Variants in ANKDD1B observed in about 807,000 individuals in gnomAD.
ANKDD1B encodes the protein ankyrin repeat and death domain-containing protein 1B.
Under a neutral mutation model 59.7 loss-of-function variants are expected in ANKDD1B, and 57 were observed. That is an observed-to-expected ratio of 0.95 (90% CI 0.77 to 1.19). The LOEUF (loss-of-function observed/expected upper bound fraction) is 1.19, where lower values mean the gene tolerates loss of function less well. Among genes scored for constraint, ANKDD1B ranks in the 50% most tolerant of loss-of-function variants. The probability of loss-of-function intolerance (pLI) is 0.00; values close to 1 mark genes in which losing one functional copy is unlikely to be tolerated. For synonymous variants in ANKDD1B, 216 were observed against 239.5 expected, an observed-to-expected ratio of 0.90 and a Z score of 0.91; for missense variants, 602 against 641.9, an observed-to-expected ratio of 0.94 and a Z score of 0.67.
intron 7 of ANKDD1B, among the ~76,000 whole-genome samples, chr5:75,648,948 G>A (rs929181966): frequency 6.6e-6 from 1 of 152,174 alleles, no homozygotes; most frequent in East Asian, 1.9e-4. Flanking sequence ...TGGGTAAAGG[G>A]TTGAGTCATT....
chr5:75,633,273 CAT>C (rs566246261), intron 5 of ANKDD1B, among the ~76,000 whole-genome samples: 92 of 152,200 alleles, frequency 6.0e-4, no homozygotes, highest in African/African-American at 2.2e-3. Context: ...TCATTGGTGA[CAT>C]ATGTGGCCCA....
At chr5:75,637,421 G>A (rs1226730173) in intron 7 of ANKDD1B, among the ~76,000 whole-genome samples, 1 of 151,980 alleles carries the variant, frequency 6.6e-6, no homozygotes, top group Non-Finnish European at 1.5e-5. Context: ...ACTCAGGTCA[G>A]TGGGGTCCTC....
intron 1 of ANKDD1B, among the ~76,000 whole-genome samples, chr5:75,615,435 G>A (rs1354352193): frequency 6.6e-6 from 1 of 152,116 alleles, no homozygotes; most frequent in African/African-American, 2.4e-5. Flanking sequence ...GGGTAGGAAC[G>A]AAGAGAAGGA....
At chr5:75,633,743 CA>C (rs1236874395) in intron 5 of ANKDD1B, among the ~76,000 whole-genome samples, 1 of 152,198 alleles carries the variant, frequency 6.6e-6, no homozygotes, top group Non-Finnish European at 1.5e-5. Context: ...GCTTTGTCCT[CA>C]CCAGAATGCA....
chr5:75,652,858 G>T (rs1204640946), intron 7 of ANKDD1B, among the ~76,000 whole-genome samples: 1 of 152,200 alleles, frequency 6.6e-6, no homozygotes, highest in Non-Finnish European at 1.5e-5. Context: ...AGATGGTACA[G>T]CCTACAACAC....
chr5:75,656,325 C>A (rs1171138630), intron 9 of ANKDD1B, among the ~76,000 whole-genome samples, 198 bp downstream of exon 9: 1 of 152,176 alleles, frequency 6.6e-6, no homozygotes, highest in East Asian at 1.9e-4. Context: ...CTCAGCCACA[C>A]AACTGGAGTT....
Position 75,653,131 on chromosome 5 carries a change from G to T in ANKDD1B, c.799-11G>T, listed in dbSNP as rs557447716. ...AGAGTTCCTCCTTGCCCTCTCTATT[G>T]TCTCTTGCAGCTCAATATCAGTAGT... On this transcript the variant is annotated splice_polypyrimidine_tract_variant and intron_variant, in intron 7 of 13. Coordinates refer to ENST00000601380, the MANE Select transcript of ANKDD1B (RefSeq NM_001276713.2). 6.5e-7 allele frequency: 1 copy of T among 1,527,984 alleles called. No homozygotes were observed. The highest frequency in any genetic ancestry group is 2.0e-5 in the Admixed American group (1 of 50,986). The allele number at this position is 1,527,984 out of a possible 1,614,324, so 94.7% of individuals were successfully genotyped here. A position where few individuals can be genotyped will look rare whatever the true frequency, so the allele number is the denominator to read the frequency against.
At chr5:75,652,505 G>C (rs1774859401) in intron 7 of ANKDD1B, among the ~76,000 whole-genome samples, 1 of 152,164 alleles carries the variant, frequency 6.6e-6, no homozygotes, top group Admixed American at 6.5e-5. Context: ...GCAGTGGCAT[G>C]ATCTCGGCTC....
chr5:75,611,869 C>A, intron 1 of ANKDD1B, 42 bp downstream of exon 1: 1 of 1,228,042 alleles, frequency 8.1e-7, no homozygotes, highest in Non-Finnish European at 1.0e-6. Context: ...GGCTGCGGGG[C>A]GGGCTGGGTC....
chr5:75,649,939 C>CTAA (rs1774784822), intron 7 of ANKDD1B, among the ~76,000 whole-genome samples: 1 of 152,182 alleles, frequency 6.6e-6, no homozygotes, highest in Non-Finnish European at 1.5e-5. Flanking sequence ...ACCAACATAT[C>CTAA]CCTCCACTAT....
intron 9 of ANKDD1B, among the ~76,000 whole-genome samples, chr5:75,657,602 T>C (rs558443250): frequency 6.6e-6 from 1 of 152,238 alleles, no homozygotes; most frequent in African/African-American, 2.4e-5. Context: ...CATTTGAAGG[T>C]GAGTCTTTAA....
At chr5:75,617,043 C>T (rs1328919286) in intron 2 of ANKDD1B, 136 bp downstream of exon 2, 13 of 500,808 alleles carry the variant, frequency 2.6e-5, no homozygotes, top group Non-Finnish European at 3.5e-5. Flanking sequence ...TTGGTAATCC[C>T]GGGGTGTTTA....
intron 1 of ANKDD1B, among the ~76,000 whole-genome samples, chr5:75,613,468 G>T (rs1295532669): frequency 1.3e-5 from 2 of 152,062 alleles, no homozygotes; most frequent in East Asian, 3.9e-4. Context: ...CTAGGTACAG[G>T]GATGCTTCAT....
intron 8 of ANKDD1B, among the ~76,000 whole-genome samples, chr5:75,654,465 A>G (rs1039128485): frequency 2.6e-5 from 4 of 152,200 alleles, no homozygotes; most frequent in Admixed American, 6.5e-5. Context: ...TGTTTAAAAC[A>G]GAGTATAAAC....
At position 75,620,365 on chromosome 5, in the gene ANKDD1B, A is replaced by T. The variant is rs1235000339; in HGVS notation, c.348A>T (p.Ala116=). Residue 116 remains alanine, a synonymous_variant, in exon 3 of 14, where the codon GCA becomes GCT. Transcript: ENST00000601380. The stretch of plus-strand genomic sequence containing the variant: ...CAGTGGGGAGAAATCATTTATCTGC[A>T]GTGGATTTCTTGCTTAAACACAAGG... ...HFAVGRNHLS[A]VDFLLKHKAR... 6.5e-7 allele frequency: 1 copy of T among 1,535,608 alleles called. No homozygotes were observed. Among genetic ancestry groups the T allele is most frequent in the East Asian group, 2.4e-5 (1 of 40,908 alleles).
chr5:75,656,755 G>T (rs1300659807), intron 9 of ANKDD1B, among the ~76,000 whole-genome samples: 1 of 152,084 alleles, frequency 6.6e-6, no homozygotes, highest in Non-Finnish European at 1.5e-5. Flanking sequence ...ATATGTAGGG[G>T]AGTGGGAAGA....
In ANKDD1B at chr5:75,653,030, G is replaced by A. The variant is rs1774869874; in HGVS notation, c.799-112G>A. ...ACCAAATCACTGTTAAGTGATGCAC[G>A]ACTGTAGTTGTACTATTTCATTGTA... On this transcript the variant is annotated intron_variant, in intron 7 of 13. Transcript: ENST00000601380. 3 of 743,142 alleles carry A rather than the reference G, an allele frequency of 4.0e-6. No homozygotes were observed. The South Asian group carries it at 4.7e-5, about 12-fold the overall frequency. 46.0% of individuals were successfully genotyped at this position (743,142 alleles called of 1,614,324 possible). A position where few individuals can be genotyped will look rare whatever the true frequency, so the allele number is the denominator to read the frequency against.
chr5:75,619,245 C>A (rs570858147), intron 2 of ANKDD1B, among the ~76,000 whole-genome samples: 1 of 152,226 alleles, frequency 6.6e-6, no homozygotes. Flanking sequence ...CTTGCACAAA[C>A]GCCATCACAA....
At chr5:75,663,323 C>T (rs924654312) in intron 10 of ANKDD1B, 71 bp from the exon 11 acceptor site, 12 of 1,160,642 alleles carry the variant, frequency 1.0e-5, no homozygotes, top group Middle Eastern at 1.9e-4. Flanking sequence ...ACCGAGGCCC[C>T]CTTGTTCCAA....
Sources: gnomAD v4.1 joint callset for allele counts (sites outside exome capture counted in the v4.1 genomes callset) on GRCh38, gnomAD v4.1.1 for gene constraint, MANE v1.5 for transcripts, NCBI Gene and HGNC (gene_info 2026-07-23, HGNC 2026-07-21) for gene names.